Variants in SH2D4B observed in about 807,000 individuals in gnomAD.
SH2D4B encodes SH2 domain containing 4B, also known as SH2 domain-containing protein 4B.
Under a neutral mutation model 61.5 loss-of-function variants are expected in SH2D4B, and 45 were observed. The ratio of observed to expected loss-of-function variants is 0.73; its 90% CI spans 0.58 to 0.94. SH2D4B has a LOEUF of 0.94. Ranked by LOEUF, SH2D4B falls within the 40% of genes least tolerant of loss-of-function variation. The probability of loss-of-function intolerance (pLI) is 0.00; values close to 1 mark genes in which losing one functional copy is unlikely to be tolerated. For missense variants in SH2D4B, 572 were observed against 574.2 expected (o/e 1.00, Z 0.04); for synonymous variants, 224 against 220.4 (o/e 1.02, Z -0.14).
chr10:80,586,699 G>A (rs1842254419), intron 3 of SH2D4B, among the ~76,000 whole-genome samples: 1 of 152,218 alleles, frequency 6.6e-6, no homozygotes, highest in African/African-American at 2.4e-5. Flanking sequence ...AAAGCAGGCT[G>A]CCCCGAGCCA....
intron 3 of SH2D4B, among the ~76,000 whole-genome samples, chr10:80,580,859 G>A (rs1842178458): frequency 6.6e-6 from 1 of 152,172 alleles, no homozygotes; most frequent in South Asian, 2.1e-4. Context: ...GCCAGAGCAA[G>A]GCGATTAATT....
At chr10:80,641,763 C>T (rs1171639883) in intron 7 of SH2D4B, among the ~76,000 whole-genome samples, 1 of 152,248 alleles carries the variant, frequency 6.6e-6, no homozygotes, top group East Asian at 1.9e-4. Context: ...GACCAGAGAT[C>T]TCTGAAGATC....
At chr10:80,578,849 A>G (rs1173284885) in intron 3 of SH2D4B, among the ~76,000 whole-genome samples, 1 of 152,170 alleles carries the variant, frequency 6.6e-6, no homozygotes, top group African/African-American at 2.4e-5. Flanking sequence ...GTCTATGACA[A>G]CGAGGAAGGA....
At chr10:80,603,270 A>G (rs1842472316) in intron 4 of SH2D4B, among the ~76,000 whole-genome samples, 1 of 152,042 alleles carries the variant, frequency 6.6e-6, no homozygotes, top group Admixed American at 6.5e-5. Flanking sequence ...GCCATTCTGG[A>G]ATGGCGTCAC....
intron 6 of SH2D4B, among the ~76,000 whole-genome samples, chr10:80,614,915 G>T (rs766967653): frequency 3.3e-5 from 5 of 152,242 alleles, no homozygotes. Context: ...TTGTGTTGGT[G>T]GTATAGAAAC....
chr10:80,600,553 G>GTGTGTGTGTGTGTGTGTGT (rs10677995), intron 4 of SH2D4B, among the ~76,000 whole-genome samples: 1 of 150,906 alleles, frequency 6.6e-6, no homozygotes, highest in African/African-American at 2.4e-5. Flanking sequence ...GTGTGTGTGT[G>GTGTGTGTGTGTGTGTGTGT]CTGGGGAAGG....
At chr10:80,600,427 A>G (rs1356630751) in intron 4 of SH2D4B, among the ~76,000 whole-genome samples, 1 of 151,952 alleles carries the variant, frequency 6.6e-6, no homozygotes, top group Non-Finnish European at 1.5e-5. Context: ...GAGATTTCTG[A>G]GCTGACCCGG....
At chr10:80,600,614 C>T (rs1242106886) in intron 4 of SH2D4B, among the ~76,000 whole-genome samples, 2 of 151,870 alleles carry the variant, frequency 1.3e-5, no homozygotes, top group African/African-American at 4.8e-5. Flanking sequence ...CTTCTCAGGG[C>T]CTTACCTGGC....
At chr10:80,558,471 C>A (rs1239811762) in intron 1 of SH2D4B, among the ~76,000 whole-genome samples, 1 of 150,400 alleles carries the variant, frequency 6.6e-6, no homozygotes, top group South Asian at 2.1e-4. Context: ...ATATAATGAT[C>A]ATGCATTTAT....
At chr10:80,635,052 G>A (rs1842881195) in intron 7 of SH2D4B, among the ~76,000 whole-genome samples, 1 of 152,184 alleles carries the variant, frequency 6.6e-6, no homozygotes, top group Admixed American at 6.5e-5. Context: ...CAGCGTCCTA[G>A]CCAGGCAAAT....
intron 7 of SH2D4B, among the ~76,000 whole-genome samples, chr10:80,635,919 G>A (rs1057465256): frequency 2.0e-5 from 3 of 152,082 alleles, no homozygotes; most frequent in East Asian, 1.9e-4. Context: ...ATTTACGTTA[G>A]GTATTTCTCC....
intron 6 of SH2D4B, among the ~76,000 whole-genome samples, chr10:80,619,346 G>T: frequency 1.3e-5 from 2 of 152,296 alleles, no homozygotes; most frequent in East Asian, 3.9e-4. Context: ...GGGAGAGAGG[G>T]TAGCTACCCT....
Position 80,603,579 on chromosome 10 carries a change from T to C in SH2D4B, c.644T>C (p.Leu215Ser), listed in dbSNP as rs748931157. 5.2e-6 allele frequency: 8 copies of C among 1,544,554 alleles called. No individual in the cohort carries two copies. In the Admixed American group the frequency reaches 5.9e-5, roughly 11 times the overall value. Reference sequence around the variant, plus strand: ...TAACGTGCTGTCTTCCTCTTTCCAGTGCGCCGGTCCAAGGCGGCTGATGAG... The same window carrying C: ...TAACGTGCTGTCTTCCTCTTTCCAGCGCGCCGGTCCAAGGCGGCTGATGAG... ...EKEEREWEEQ[L>S]RRSKAADEER... Residue 215 changes from leucine to serine, a missense_variant and splice_region_variant, in exon 5 of 8, where the codon TTG becomes TCG. Leu to Ser is a moderately radical substitution (Grantham distance 145, BLOSUM62 -2). Transcript: ENST00000646907.
At chr10:80,577,816 C>A (rs1842143821) in intron 3 of SH2D4B, among the ~76,000 whole-genome samples, 1 of 152,024 alleles carries the variant, frequency 6.6e-6, no homozygotes, top group South Asian at 2.1e-4. Context: ...CCTGCCTCGG[C>A]CTCCCAAAGT....
At chr10:80,574,070 C>G (rs1842095090) in intron 3 of SH2D4B, among the ~76,000 whole-genome samples, 1 of 152,160 alleles carries the variant, frequency 6.6e-6, no homozygotes, top group African/African-American at 2.4e-5. Context: ...TAACTTTTAT[C>G]TATATACCTA....
chr10:80,596,211 T>C (rs1207251127), intron 4 of SH2D4B, among the ~76,000 whole-genome samples: 1 of 152,258 alleles, frequency 6.6e-6, no homozygotes, highest in African/African-American at 2.4e-5. Context: ...CCCTTGCTCA[T>C]TGATAACGTC....
intron 1 of SH2D4B, among the ~76,000 whole-genome samples, chr10:80,545,516 CCTT>C (rs908211689): frequency 1.3e-5 from 2 of 151,846 alleles, no homozygotes; most frequent in Non-Finnish European, 2.9e-5. Flanking sequence ...TTCCTCTCCT[CCTT>C]TCTTTTCTCC....
intron 4 of SH2D4B, among the ~76,000 whole-genome samples, chr10:80,590,782 A>T (rs1463556402): frequency 6.6e-6 from 1 of 152,114 alleles, no homozygotes; most frequent in African/African-American, 2.4e-5. Context: ...GGTTTTTAGT[A>T]TACTCAAAAA....
chr10:80,609,205 AC>A (rs1842560594), intron 5 of SH2D4B, among the ~76,000 whole-genome samples: 1 of 152,128 alleles, frequency 6.6e-6, no homozygotes, highest in Non-Finnish European at 1.5e-5. Flanking sequence ...GCCTTCGAGT[AC>A]CTGGGCTGTT....
Sources: allele counts gnomAD v4.1 joint callset (sites outside exome capture counted in the v4.1 genomes callset), GRCh38; gene constraint gnomAD v4.1.1; transcripts MANE v1.5; gene names NCBI Gene and HGNC (gene_info 2026-07-23, HGNC 2026-07-21).